Variants in GALNT13 observed in about 807,000 individuals in gnomAD.
The protein encoded by GALNT13 is polypeptide N-acetylgalactosaminyltransferase 13, also known as UDP-GalNAc:polypeptide N-acetylgalactosaminyltransferase 13.
Under a neutral mutation model 64.2 loss-of-function variants are expected in GALNT13, and 28 were observed. The observed-to-expected ratio is 0.44, with a 90% CI of 0.32 to 0.60. GALNT13 has a LOEUF of 0.60. GALNT13 is among the 20% of genes least tolerant of loss of function. GALNT13 has a pLI of 0.05. For synonymous variants in GALNT13, 214 were observed against 224.6 expected, an observed-to-expected ratio of 0.95 and a Z score of 0.42; for missense variants, 577 against 669.8, an observed-to-expected ratio of 0.86 and a Z score of 1.53.
the GALNT13 span, among the ~76,000 whole-genome samples, chr2:153,723,674 A>C: frequency 6.6e-6 from 1 of 152,134 alleles, no homozygotes; most frequent in African/African-American, 2.4e-5. Flanking sequence ...ACAAACAGAG[A>C]GCCAAATCAT....
At chr2:153,298,513 C>G in the GALNT13 span, among the ~76,000 whole-genome samples, 57,402 of 151,644 alleles carry the variant, frequency 0.38, 11,244 homozygotes, top group Middle Eastern at 0.49. Flanking sequence ...TCAATGTTAG[C>G]AGGAGATTAA....
chr2:154,191,241 A>T (rs1350031081), intron 4 of GALNT13, among the ~76,000 whole-genome samples: 1 of 152,154 alleles, frequency 6.6e-6, no homozygotes, highest in African/African-American at 2.4e-5. Flanking sequence ...ATATTCTCTC[A>T]CACACACATT....
At chr2:153,735,023 G>C in the GALNT13 span, among the ~76,000 whole-genome samples, 59 of 152,210 alleles carry the variant, frequency 3.9e-4, no homozygotes, top group African/African-American at 1.3e-3. Context: ...CTGGCTGCCA[G>C]ACAAAGTGAA....
chr2:154,001,166 T>C (rs1695877882), intron 3 of GALNT13, among the ~76,000 whole-genome samples: 1 of 151,994 alleles, frequency 6.6e-6, no homozygotes. Context: ...TCAGTTTCTA[T>C]CTTTGTGCAT....
At chr2:153,222,307 T>TGGGGGGGGGGGGGGG in the GALNT13 span, among the ~76,000 whole-genome samples, 1 of 6,310 alleles carries the variant, frequency 1.6e-4, no homozygotes, top group Non-Finnish European at 5.8e-4. Context: ...TGAGTCTGGC[T>TGGGGGGGGGGGGGGG]GGGGGGGGGG....
intron 8 of GALNT13, among the ~76,000 whole-genome samples, chr2:154,285,814 C>T (rs1692234158): frequency 6.6e-6 from 1 of 152,128 alleles, no homozygotes; most frequent in African/African-American, 2.4e-5. Flanking sequence ...GTAATATGAA[C>T]ATTCTACCAA....
the GALNT13 span, among the ~76,000 whole-genome samples, chr2:153,126,656 G>T: frequency 6.6e-6 from 1 of 151,992 alleles, no homozygotes; most frequent in Admixed American, 6.6e-5. Flanking sequence ...GGCCAATCTT[G>T]TAAAGAAACC....
the GALNT13 span, among the ~76,000 whole-genome samples, chr2:153,089,994 G>C: frequency 6.6e-6 from 1 of 152,018 alleles, no homozygotes; most frequent in African/African-American, 2.4e-5. Flanking sequence ...GATCTTTTGG[G>C]GGTGTTATAG....
At chr2:154,398,175 GTTC>G (rs1022981698) in intron 10 of GALNT13, among the ~76,000 whole-genome samples, 16 of 152,282 alleles carry the variant, frequency 1.1e-4, no homozygotes, top group African/African-American at 3.8e-4. Flanking sequence ...GAGTTTTTCT[GTTC>G]TTCTTATAAA....
At chr2:154,190,236 T>G (rs1372090678) in intron 4 of GALNT13, among the ~76,000 whole-genome samples, 1 of 152,180 alleles carries the variant, frequency 6.6e-6, no homozygotes, top group Non-Finnish European at 1.5e-5. Context: ...AAGTCAAGGC[T>G]CAAAAACTTG....
At chr2:153,093,241 C>CTTTTTTT in the GALNT13 span, among the ~76,000 whole-genome samples, 1 of 139,408 alleles carries the variant, frequency 7.2e-6, no homozygotes, top group Non-Finnish European at 1.5e-5. Flanking sequence ...CTTTTCTTTT[C>CTTTTTTT]TTTTTTTTTT....
At chr2:153,330,201 C>G in the GALNT13 span, among the ~76,000 whole-genome samples, 1 of 152,158 alleles carries the variant, frequency 6.6e-6, no homozygotes, top group Non-Finnish European at 1.5e-5. Context: ...AGTTTGAAGT[C>G]AGGTAATGTG....
intron 1 of GALNT13, among the ~76,000 whole-genome samples, chr2:153,890,154 A>G (rs531960436): frequency 2.0e-5 from 3 of 152,142 alleles, no homozygotes; most frequent in African/African-American, 7.2e-5. Context: ...ACATAAACAA[A>G]CACAAAAATC....
At chr2:154,417,591 A>G (rs981532797) in intron 11 of GALNT13, among the ~76,000 whole-genome samples, 1 of 149,642 alleles carries the variant, frequency 6.7e-6, no homozygotes, top group Non-Finnish European at 1.5e-5. Context: ...GCTCACTGCA[A>G]CCTCCACCTC....
At chr2:153,482,404 A>G in the GALNT13 span, among the ~76,000 whole-genome samples, 1 of 152,244 alleles carries the variant, frequency 6.6e-6, no homozygotes, top group Non-Finnish European at 1.5e-5. Context: ...AGTAGACTAC[A>G]TAAAGGCATG....
chr2:154,266,970 AT>A lies in GALNT13; in HGVS notation c.975+7833del, dbSNP rs572505967. 9.2e-5 allele frequency among the ~76,000 whole-genome samples: 14 copies of A among 152,266 alleles called. No homozygotes were observed. In the South Asian group the frequency reaches 2.9e-3, roughly 32 times the overall value. The stretch of plus-strand genomic sequence containing the variant: ...ATTTAAAATGTATTATAAAGCTATA[AT>A]AATCAAGACTGTGTGTTATTAACAT... On this transcript the variant is annotated intron_variant, in intron 8 of 12. Coordinates refer to ENST00000392825, the MANE Select transcript of GALNT13 (RefSeq NM_052917.4).
intron 11 of GALNT13, among the ~76,000 whole-genome samples, chr2:154,433,876 T>C (rs2105454632): frequency 6.6e-6 from 1 of 152,296 alleles, no homozygotes; most frequent in Admixed American, 6.5e-5. Flanking sequence ...TTCTAGAAAT[T>C]CATATGTTGA....
the GALNT13 span, among the ~76,000 whole-genome samples, chr2:153,341,782 A>G: frequency 6.6e-6 from 1 of 152,216 alleles, no homozygotes; most frequent in African/African-American, 2.4e-5. Flanking sequence ...TGTTATGGAA[A>G]GGGCCACTTC....
the GALNT13 span, among the ~76,000 whole-genome samples, chr2:153,860,783 G>A: frequency 6.6e-6 from 1 of 152,172 alleles, no homozygotes; most frequent in Non-Finnish European, 1.5e-5. Flanking sequence ...AAAAGTCCCT[G>A]GGGCTTACAC....
Sources: gnomAD v4.1 joint callset for allele counts (sites outside exome capture counted in the v4.1 genomes callset) on GRCh38, gnomAD v4.1.1 for gene constraint, MANE v1.5 for transcripts, NCBI Gene and HGNC (gene_info 2026-07-23, HGNC 2026-07-21) for gene names.